The following PLEKHA5 variants were observed in gnomAD, a reference collection of about 807,000 sequenced individuals.
PLEKHA5 encodes the protein pleckstrin homology domain-containing family A member 5.
A neutral mutation model predicts 181.9 loss-of-function variants in PLEKHA5; 55 were observed. That is an observed-to-expected ratio of 0.30 (90% CI 0.24 to 0.38). PLEKHA5 has a LOEUF of 0.38. PLEKHA5 is among the 10% of genes least tolerant of loss of function. The pLI is 1.00. For missense variants in PLEKHA5, 1,432 were observed against 1,549.5 expected, an observed-to-expected ratio of 0.92 and a Z score of 1.27; for synonymous variants, 535 against 529.4, an observed-to-expected ratio of 1.01 and a Z score of -0.15.
chr12:19,291,271 G>A (rs1227607930), intron 14 of PLEKHA5, among the ~76,000 whole-genome samples: 2 of 151,952 alleles, frequency 1.3e-5, no homozygotes, highest in African/African-American at 2.4e-5. Context: ...ACACATAACC[G>A]TTTCTCAAAG....
rs181121589 is a variant in PLEKHA5 at position 19,374,773 on chromosome 12, G to A, written c.*12-758G>A. Among the ~76,000 whole-genome samples, 18 of 151,770 alleles carry A rather than the reference G, an allele frequency of 1.2e-4. No homozygotes were observed. In the East Asian group the frequency reaches 2.5e-3, roughly 21 times the overall value. On this transcript the variant is annotated intron_variant, in intron 31 of 31. Transcript: ENST00000429027. ...AGTTTGAGACCAGCCTGGGCAACACGGTGAAACCCCGTCTCTACTAAAATA... is the reference window on the plus strand; with the variant it reads ...AGTTTGAGACCAGCCTGGGCAACACAGTGAAACCCCGTCTCTACTAAAATA...
intron 3 of PLEKHA5, among the ~76,000 whole-genome samples, chr12:19,177,963 A>T (rs1591947429): frequency 6.6e-6 from 1 of 152,214 alleles, no homozygotes; most frequent in Non-Finnish European, 1.5e-5. Flanking sequence ...GTGGAAATGT[A>T]AACTCTAGCT....
chr12:19,245,303 A>G (rs1191240164), intron 3 of PLEKHA5, among the ~76,000 whole-genome samples: 5 of 152,162 alleles, frequency 3.3e-5, no homozygotes, highest in Non-Finnish European at 7.4e-5. Context: ...TTTCCTTGCT[A>G]TTATAATATA....
At chr12:19,340,951 A>T (rs1373780089) in intron 21 of PLEKHA5, among the ~76,000 whole-genome samples, 1 of 116,354 alleles carries the variant, frequency 8.6e-6, no homozygotes, top group Non-Finnish European at 2.0e-5. Context: ...TCAATAAAAA[A>T]AAAAAAAAAA....
intron 3 of PLEKHA5, among the ~76,000 whole-genome samples, chr12:19,209,288 G>T (rs1270895812): frequency 6.6e-6 from 1 of 152,144 alleles, no homozygotes; most frequent in Non-Finnish European, 1.5e-5. Context: ...AAAGAAATCA[G>T]CAGTTTACAA....
chr12:19,224,830 T>C (rs1023324780), intron 3 of PLEKHA5, among the ~76,000 whole-genome samples: 1 of 152,130 alleles, frequency 6.6e-6, no homozygotes, highest in Non-Finnish European at 1.5e-5. Flanking sequence ...GTTTTTGACA[T>C]TTACTTGGAA....
At chr12:19,173,012 T>C (rs1336795689) in intron 3 of PLEKHA5, among the ~76,000 whole-genome samples, 1 of 69,092 alleles carries the variant, frequency 1.4e-5, no homozygotes, top group South Asian at 6.4e-4. Flanking sequence ...TTTCTTTTTT[T>C]TTTTTTTTTT....
At chr12:19,309,361 A>G (rs2085489358) in intron 15 of PLEKHA5, among the ~76,000 whole-genome samples, 1 of 152,012 alleles carries the variant, frequency 6.6e-6, no homozygotes, top group East Asian at 1.9e-4. Context: ...TCCATCTTAA[A>G]GAAAAAAAAA....
At chr12:19,286,335 T>G (rs1592326796) in intron 12 of PLEKHA5, among the ~76,000 whole-genome samples, 1 of 152,248 alleles carries the variant, frequency 6.6e-6, no homozygotes, top group East Asian at 1.9e-4. Flanking sequence ...TGATAAGGTT[T>G]CAGATATCAC....
At chr12:19,318,546 T>G (rs2089765296) in intron 16 of PLEKHA5, among the ~76,000 whole-genome samples, 1 of 152,230 alleles carries the variant, frequency 6.6e-6, no homozygotes, top group Admixed American at 6.5e-5. Flanking sequence ...CATTTGATAT[T>G]TTAATCTAGA....
intron 3 of PLEKHA5, among the ~76,000 whole-genome samples, chr12:19,249,669 T>C (rs1228603675): frequency 6.6e-6 from 1 of 152,216 alleles, no homozygotes; most frequent in Non-Finnish European, 1.5e-5. Flanking sequence ...ATATGCTGAC[T>C]AAATGAAGGA....
intron 21 of PLEKHA5, among the ~76,000 whole-genome samples, chr12:19,339,043 C>A (rs2093671046): frequency 6.6e-6 from 1 of 151,336 alleles, no homozygotes; most frequent in African/African-American, 2.4e-5. Flanking sequence ...TTTATAACTT[C>A]TCTTTTTTTT....
rs1028032013 is a variant in PLEKHA5 at position 19,178,132 on chromosome 12, T to C, written c.227+45682T>C. Among the ~76,000 whole-genome samples the C allele has an allele frequency of 3.9e-5, 6 of 152,196 alleles. No homozygotes were observed. In the East Asian group the frequency reaches 1.2e-3, roughly 29 times the overall value. On this transcript the variant is annotated intron_variant, in intron 3 of 31. Coordinates refer to ENST00000429027, the MANE Select transcript of PLEKHA5 (RefSeq NM_001256470.2). ...CCCCACCCACGTTTCAGAAATCTCC[T>C]TGGTCTATTATTCCAGTGTGCTGCC...
chr12:19,273,667 T>G (rs940636224), intron 10 of PLEKHA5, among the ~76,000 whole-genome samples: 3 of 152,182 alleles, frequency 2.0e-5, no homozygotes, highest in Admixed American at 2.0e-4. Context: ...ATATGGCAAC[T>G]AGAATAGTGA....
Position 19,290,745 on chromosome 12 carries a change from G to T in PLEKHA5, c.1932G>T (p.Glu644Asp). ...AAGCCGAACTGAGTAGTATCCGGGA[G>T]CATACGTTAGCACAGCTCATGCAGC... ...RQQAELSSIREHTLAQLMQLK... is the reference protein window; with the variant it reads ...RQQAELSSIRDHTLAQLMQLK... The change falls in exon 14 of 32, where the codon GAG becomes GAT. Residue 644 changes from glutamate to aspartate, a missense_variant. Glu to Asp is a conservative substitution (Grantham distance 45). Around this residue, in one of 2 missense-constraint regions of PLEKHA5, gnomAD observed 1,143 missense variants for 1,168.4 expected, o/e 0.98. Transcript: ENST00000429027. 6.5e-7 allele frequency: 1 copy of T among 1,536,106 alleles called. No homozygotes were observed. Among genetic ancestry groups the T allele is most frequent in the Non-Finnish European group, 8.7e-7 (1 of 1,146,650 alleles).
intron 3 of PLEKHA5, chr12:19,207,302 A>G (rs372605343): frequency 2.0e-5 from 3 of 152,116 alleles, no homozygotes; most frequent in African/African-American, 7.2e-5. Context: ...TCATAGATCA[A>G]TAGAAGAGAA....
intron 8 of PLEKHA5, among the ~76,000 whole-genome samples, chr12:19,268,595 T>C (rs1415302125): frequency 1.3e-5 from 2 of 152,324 alleles, no homozygotes; most frequent in South Asian, 4.1e-4. Context: ...AGAAACTTTA[T>C]AGACAATTAT....
At chr12:19,254,399 T>A (rs1389774165) in intron 4 of PLEKHA5, among the ~76,000 whole-genome samples, 4 of 152,226 alleles carry the variant, frequency 2.6e-5, no homozygotes, top group African/African-American at 9.6e-5. Context: ...TGTATTATAC[T>A]ATAAAGCTAT....
intron 3 of PLEKHA5, among the ~76,000 whole-genome samples, chr12:19,231,075 G>T (rs1472107143): frequency 6.6e-6 from 1 of 152,018 alleles, no homozygotes; most frequent in East Asian, 1.9e-4. Context: ...TTTAAAACAT[G>T]GGTATTTTCT....
Sources: allele counts gnomAD v4.1 joint callset (sites outside exome capture counted in the v4.1 genomes callset), GRCh38; gene constraint gnomAD v4.1.1; regional missense constraint gnomAD v4.1.1; transcripts MANE v1.5; gene names NCBI Gene and HGNC (gene_info 2026-07-23, HGNC 2026-07-21).